The following PDE12 variants were observed in gnomAD, a reference collection of about 807,000 sequenced individuals.
PDE12 encodes phosphodiesterase 12, also known as 2',5'-phosphodiesterase 12.
Under a neutral mutation model 45.4 loss-of-function variants are expected in PDE12, and 26 were observed. The ratio of observed to expected loss-of-function variants is 0.57; its 90% CI spans 0.42 to 0.79. PDE12 has a LOEUF of 0.79. Ranked by LOEUF, PDE12 falls within the 30% of genes least tolerant of loss-of-function variation. The pLI is 0.00. For synonymous variants in PDE12, 283 were observed against 323.9 expected, an observed-to-expected ratio of 0.87 and a Z score of 1.36; for missense variants, 668 against 790.0, an observed-to-expected ratio of 0.85 and a Z score of 1.85.
the PDE12 span, among the ~76,000 whole-genome samples, chr3:57,638,702 T>G: frequency 4.8e-4 from 73 of 151,528 alleles, no homozygotes; most frequent in African/African-American, 1.6e-3. Flanking sequence ...AAATGGCCAA[T>G]AAACAATGGA....
chr3:57,558,400 G>T (rs572298345), intron 1 of PDE12, among the ~76,000 whole-genome samples: 1 of 152,158 alleles, frequency 6.6e-6, no homozygotes, highest in Non-Finnish European at 1.5e-5. Context: ...TGACTCCAAA[G>T]CCTGTGCTTA....
chr3:57,619,175 C>T, the PDE12 span, among the ~76,000 whole-genome samples: 3 of 151,804 alleles, frequency 2.0e-5, no homozygotes, highest in African/African-American at 7.3e-5. Flanking sequence ...GGTGAAACCC[C>T]GTCTTTACTA....
chr3:57,626,995 A>G, the PDE12 span: 1 of 152,216 alleles, frequency 6.6e-6, no homozygotes, highest in Non-Finnish European at 1.5e-5. Flanking sequence ...TCAAATAAGT[A>G]TCACATAAAA....
the PDE12 span, among the ~76,000 whole-genome samples, chr3:57,636,447 C>G: frequency 2.6e-5 from 4 of 152,082 alleles, no homozygotes; most frequent in African/African-American, 7.2e-5. Context: ...AACAAAACAG[C>G]TAATTACCCG....
chr3:57,593,534 C>G, the PDE12 span, among the ~76,000 whole-genome samples: 1 of 152,186 alleles, frequency 6.6e-6, no homozygotes, highest in African/African-American at 2.4e-5. Flanking sequence ...CACTGGCATA[C>G]TACACTACAC....
chr3:57,586,097 G>GT, the PDE12 span, among the ~76,000 whole-genome samples: 3 of 152,318 alleles, frequency 2.0e-5, no homozygotes, highest in Admixed American at 6.5e-5. Context: ...TTAAATGCTT[G>GT]TAAGTATGAA....
chr3:57,567,901 T>C (rs1311499873), downstream of PDE12, among the ~76,000 whole-genome samples: 1 of 151,630 alleles, frequency 6.6e-6, no homozygotes, highest in East Asian at 1.9e-4. Context: ...ACCCCATCTC[T>C]ACTAAAAATA....
chr3:57,634,655 A>G, the PDE12 span: 1 of 1,483,032 alleles, frequency 6.7e-7, no homozygotes, highest in Non-Finnish European at 9.0e-7. Context: ...AAACAAAAAA[A>G]CCCAAGTACC....
chr3:57,633,354 C>T, the PDE12 span: 1 of 1,609,520 alleles, frequency 6.2e-7, no homozygotes, highest in Non-Finnish European at 8.5e-7. Flanking sequence ...TGTTGTACAC[C>T]CTTAAAAGAG....
chr3:57,645,120 A>C, the PDE12 span, among the ~76,000 whole-genome samples: 1 of 152,158 alleles, frequency 6.6e-6, no homozygotes, highest in Non-Finnish European at 1.5e-5. Flanking sequence ...AGTACAACTG[A>C]AAGTACAACC....
chr3:57,590,693 T>A, the PDE12 span, among the ~76,000 whole-genome samples: 1 of 152,188 alleles, frequency 6.6e-6, no homozygotes, highest in Non-Finnish European at 1.5e-5. Context: ...TACATTTGTT[T>A]TTTGAGACAG....
the PDE12 span, among the ~76,000 whole-genome samples, chr3:57,655,537 A>C: frequency 6.6e-6 from 1 of 152,234 alleles, no homozygotes. Flanking sequence ...ACATGATGCC[A>C]CAAGTGGAAA....
chr3:57,654,587 G>A, the PDE12 span: 1 of 963,180 alleles, frequency 1.0e-6, no homozygotes, highest in Non-Finnish European at 1.2e-6. Context: ...AAATGTCCCT[G>A]ACTCTAAGGC....
At chr3:57,585,531 G>T in the PDE12 span, among the ~76,000 whole-genome samples, 1 of 151,944 alleles carries the variant, frequency 6.6e-6, no homozygotes, top group Non-Finnish European at 1.5e-5. Flanking sequence ...CGAGTTAATG[G>T]GTGCAGCACA....
At chr3:57,595,860 A>T in the PDE12 span, among the ~76,000 whole-genome samples, 1 of 152,044 alleles carries the variant, frequency 6.6e-6, no homozygotes, top group Non-Finnish European at 1.5e-5. Context: ...CTGAGGCAGG[A>T]GAATCTCTTG....
At chr3:57,604,072 T>C in the PDE12 span, among the ~76,000 whole-genome samples, 1 of 151,498 alleles carries the variant, frequency 6.6e-6, no homozygotes, top group East Asian at 1.9e-4. Flanking sequence ...TACAGGCGCC[T>C]GCCACCACGC....
the PDE12 span, among the ~76,000 whole-genome samples, chr3:57,613,148 T>C: frequency 2.0e-5 from 3 of 150,430 alleles, no homozygotes; most frequent in South Asian, 6.3e-4. Context: ...GTCTGGCTAA[T>C]TTTTTGTATT....
the PDE12 span, among the ~76,000 whole-genome samples, chr3:57,620,737 T>C: frequency 1.3e-5 from 2 of 152,054 alleles, no homozygotes; most frequent in Non-Finnish European, 2.9e-5. Context: ...ATTTGCAACA[T>C]CAAAAATATG....
chr3:57,591,886 T>A, the PDE12 span, among the ~76,000 whole-genome samples: 2 of 152,102 alleles, frequency 1.3e-5, no homozygotes, highest in Non-Finnish European at 2.9e-5. Context: ...AGAAAACAGA[T>A]TACGGGCTGG....
Sources: gnomAD v4.1 joint callset for allele counts (sites outside exome capture counted in the v4.1 genomes callset) on GRCh38, gnomAD v4.1.1 for gene constraint, MANE v1.5 for transcripts, NCBI Gene and HGNC (gene_info 2026-07-23, HGNC 2026-07-21) for gene names.